The following MAST2 variants were observed in gnomAD, a reference collection of about 807,000 sequenced individuals.
MAST2 encodes microtubule associated serine/threonine kinase 2, also known as microtubule-associated serine/threonine-protein kinase 2.
A neutral mutation model predicts 147.4 loss-of-function variants in MAST2; 70 were observed. The observed-to-expected ratio is 0.47, with a 90% CI of 0.39 to 0.58. MAST2 has a LOEUF of 0.58. Among genes scored for constraint, MAST2 ranks in the 20% least tolerant of loss-of-function variants. MAST2 has a pLI of 0.00. For synonymous variants in MAST2, 869 were observed against 896.8 expected, an observed-to-expected ratio of 0.97 and a Z score of 0.55; for missense variants, 2,080 against 2,302.3, an observed-to-expected ratio of 0.90 and a Z score of 1.98.
chr1:46,029,750 G>A, intron 19 of MAST2, 81 bp from the exon 20 acceptor site: 1 of 1,547,506 alleles, frequency 6.5e-7, no homozygotes, highest in East Asian at 2.2e-5. Flanking sequence ...GCTTCTGAAG[G>A]TCTGGCTTCT....
chr1:46,034,565 C>T lies in MAST2; in HGVS notation c.3896C>T (p.Ser1299Phe). 1 of 1,613,774 alleles carries T rather than the reference C, an allele frequency of 6.2e-7. No homozygotes were observed. The highest frequency in any genetic ancestry group is 8.5e-7 in the Non-Finnish European group (1 of 1,179,906). Residue 1299 changes from serine (S) to phenylalanine (F), a missense_variant, in exon 29 of 29, where the codon TCC becomes TTC. Ser to Phe is a radical substitution (Grantham distance 155). This residue lies in a region of MAST2 where 1,278 missense variants were observed against 1,304.2 expected (regional missense o/e 0.98). Coordinates refer to ENST00000361297, the MANE Select transcript of MAST2 (RefSeq NM_015112.3). ...SVGGNSSQSSSPSSSVPSSPA... is the reference protein window; with the variant it reads ...SVGGNSSQSSFPSSSVPSSPA... The stretch of plus-strand genomic sequence containing the variant: ...GGAGGGAATTCATCACAGAGCAGCT[C>T]CCCCAGCTCCAGCGTGCCCAGTTCC...
intron 4 of MAST2, among the ~76,000 whole-genome samples, chr1:45,903,435 T>G (rs1400005090): frequency 6.6e-6 from 1 of 152,186 alleles, no homozygotes; most frequent in Non-Finnish European, 1.5e-5. Context: ...TGGCCTAAAC[T>G]TAACTTAGCA....
intron 5 of MAST2, among the ~76,000 whole-genome samples, chr1:45,989,576 A>G (rs1369396711): frequency 1.3e-5 from 2 of 152,004 alleles, no homozygotes; most frequent in African/African-American, 4.8e-5. Flanking sequence ...ATTTGCCTTT[A>G]GAGGTGACAA....
chr1:46,034,112 A>G lies in MAST2; in HGVS notation c.3714A>G (p.Gln1238=). The part of the protein sequence containing the change: ...RSSLFRKITK[Q]ASLLHTSRSL... ...CCCTGTTCCGCAAGATCACCAAGCA[A>G]GCATCCCTGCTCCACACCAGCCGCA... Residue 1238 remains glutamine (Q), a synonymous_variant, in exon 28 of 29, where the codon CAA becomes CAG. Transcript: ENST00000361297. 1.2e-6 allele frequency: 2 copies of G among 1,613,908 alleles called. No homozygotes were observed. Among genetic ancestry groups the G allele is most frequent in the Non-Finnish European group, 1.7e-6 (2 of 1,179,864 alleles).
chr1:46,025,723 G>T lies in MAST2; in HGVS notation c.1827G>T (p.Val609=), dbSNP rs1162387053. 6.2e-7 allele frequency: 1 copy of T among 1,614,200 alleles called. No individual in the cohort carries two copies. The highest frequency in any genetic ancestry group is 8.5e-7 in the Non-Finnish European group (1 of 1,180,034). ...TLLKNIGALP[V]DMVRLYFAET... is the part of the protein sequence containing the mutation. ...TGAAGAATATTGGGGCCCTGCCTGT[G>T]GACATGGTGCGTCTATACTTTGCGG... is the stretch of plus-strand genomic sequence containing the variant. The change falls in exon 16 of 29, where the codon GTG becomes GTT. Residue 609 remains valine (V), a synonymous_variant. Transcript: ENST00000361297.
At chr1:45,891,904 A>G (rs1258381970) in intron 4 of MAST2, among the ~76,000 whole-genome samples, 2 of 152,158 alleles carry the variant, frequency 1.3e-5, no homozygotes, top group Non-Finnish European at 2.9e-5. Context: ...GAAATACCAC[A>G]TTTCACTTGT....
chr1:45,872,537 A>C (rs1197406696), intron 3 of MAST2, among the ~76,000 whole-genome samples: 1 of 150,594 alleles, frequency 6.6e-6, no homozygotes, highest in Non-Finnish European at 1.5e-5. Flanking sequence ...CTGGAGTGCA[A>C]TGGGGCAATC....
At chr1:45,824,154 G>A (rs2148705201) in intron 1 of MAST2, among the ~76,000 whole-genome samples, 1 of 152,178 alleles carries the variant, frequency 6.6e-6, no homozygotes, top group Middle Eastern at 3.4e-3. Flanking sequence ...ACTAAGAAGT[G>A]TACTCATTAT....
chr1:45,925,104 G>A (rs1009516600), intron 4 of MAST2, among the ~76,000 whole-genome samples: 1 of 152,206 alleles, frequency 6.6e-6, no homozygotes, highest in Admixed American at 6.5e-5. Context: ...GCATCATAGT[G>A]TAGTGAGGAC....
intron 4 of MAST2, among the ~76,000 whole-genome samples, chr1:45,936,028 A>G (rs1013396621): frequency 2.3e-4 from 35 of 152,332 alleles, no homozygotes; most frequent in African/African-American, 8.2e-4. Context: ...ATCTGTGAGC[A>G]TGGCATAGTT....
chr1:46,032,342 C>A lies in MAST2; in HGVS notation c.3352C>A (p.Leu1118Met). Residue 1118 changes from leucine to methionine, a missense_variant, in exon 25 of 29, where the codon CTG becomes ATG. This residue lies in a region of MAST2 where 1,278 missense variants were observed against 1,304.2 expected (regional missense o/e 0.98). Transcript: ENST00000361297. Reference sequence around the variant, plus strand: ...AGCTGGCAAGAAGTATGGCTTCACCCTGCGGGCCATTCGCGTCTACATGGG... The same window carrying A: ...AGCTGGCAAGAAGTATGGCTTCACCATGCGGGCCATTCGCGTCTACATGGG... ...HRAGKKYGFT[L>M]RAIRVYMGDS... 3.1e-6 allele frequency: 5 copies of A among 1,614,256 alleles called. No homozygotes were observed. In the South Asian group the frequency reaches 5.5e-5, roughly 18 times the overall value.
chr1:45,997,303 C>T (rs529702099), intron 5 of MAST2, among the ~76,000 whole-genome samples: 4 of 152,176 alleles, frequency 2.6e-5, no homozygotes, highest in African/African-American at 4.8e-5. Flanking sequence ...GGATACAGTG[C>T]GCAGAGATAT....
intron 4 of MAST2, among the ~76,000 whole-genome samples, chr1:45,888,418 A>G (rs187367982): frequency 2.0e-5 from 3 of 152,158 alleles, no homozygotes; most frequent in East Asian, 3.9e-4. Context: ...GCTGGAGTAC[A>G]GTGGCGCCAT....
intron 4 of MAST2, among the ~76,000 whole-genome samples, chr1:45,921,704 C>A (rs1653521090): frequency 6.6e-6 from 1 of 152,184 alleles, no homozygotes; most frequent in South Asian, 2.1e-4. Flanking sequence ...ACTTTAGGAG[C>A]CACCAGGCCC....
chr1:45,959,574 A>G, intron 5 of MAST2, 97 bp downstream of exon 5: 1 of 994,686 alleles, frequency 1.0e-6, no homozygotes, highest in Non-Finnish European at 1.5e-6. Context: ...CGTATATTAC[A>G]TTGTCACTTT....
At chr1:46,016,988 T>G (rs1276473008) in intron 10 of MAST2, among the ~76,000 whole-genome samples, 3 of 151,336 alleles carry the variant, frequency 2.0e-5, no homozygotes, top group Non-Finnish European at 3.0e-5. Flanking sequence ...TATAGATCAA[T>G]GGAACAGAAC....
rs755518247 is a variant in MAST2 at position 45,917,411 on chromosome 1, C to A, written c.500+35016C>A. 6.6e-6 allele frequency: 9 copies of A among 1,366,476 alleles called. No individual in the cohort carries two copies. The South Asian group carries it at 9.1e-5, about 14-fold the overall frequency. The allele number at this position is 1,366,476 out of a possible 1,614,324, so 84.6% of individuals were successfully genotyped here. ...CACCCACATCTGCTCCAGCCCTCTT[C>A]CTCACTAAAGTCCCATTTAGTGCTG... On this transcript the variant is annotated intron_variant, in intron 4 of 28. Transcript: ENST00000361297.
chr1:46,032,976 CAAAAAA>C (rs56069054), intron 26 of MAST2, among the ~76,000 whole-genome samples: 7 of 132,256 alleles, frequency 5.3e-5, no homozygotes, highest in Admixed American at 7.5e-5. Context: ...ACTAAAAATA[CAAAAAA>C]AAAAAAAAAA....
At chr1:45,908,330 A>G (rs1471115951) in intron 4 of MAST2, among the ~76,000 whole-genome samples, 1 of 152,156 alleles carries the variant, frequency 6.6e-6, no homozygotes, top group Non-Finnish European at 1.5e-5. Context: ...TATTTCTCCC[A>G]ATGCTATCCC....
Sources: gnomAD v4.1 joint callset for allele counts (sites outside exome capture counted in the v4.1 genomes callset) on GRCh38, gnomAD v4.1.1 for gene constraint, gnomAD v4.1.1 regional missense constraint, MANE v1.5 for transcripts, NCBI Gene and HGNC (gene_info 2026-07-23, HGNC 2026-07-21) for gene names.